TNRC18: variants seen among roughly 807,000 people sequenced by gnomAD.
TNRC18 encodes trinucleotide repeat-containing gene 18 protein.
TNRC18 carries 69 observed loss-of-function variants against 226.7 expected under a neutral mutation model. The observed-to-expected ratio is 0.30, with a 90% confidence interval of 0.25 to 0.37. The LOEUF (loss-of-function observed/expected upper bound fraction) is 0.37, where lower values mean the gene tolerates loss of function less well. TNRC18 is among the 10% of genes least tolerant of loss of function. The pLI, the probability that TNRC18 is intolerant of heterozygous loss-of-function variation, is 1.00. For missense variants in TNRC18, 4,754 were observed against 4,256.6 expected (o/e 1.12, Z -3.25); for synonymous variants, 2,449 against 1,927.6 (o/e 1.27, Z -7.09).
chr7:5,380,211 C>T (rs1375837762), intron 5 of TNRC18, among the ~76,000 whole-genome samples: 1 of 152,080 alleles, frequency 6.6e-6, no homozygotes. Context: ...TCTGGGAGGC[C>T]GAGGTGGGAG....
At chr7:5,410,595 G>A (rs1781775866) in intron 2 of TNRC18, among the ~76,000 whole-genome samples, 2 of 152,130 alleles carry the variant, frequency 1.3e-5, no homozygotes, top group Admixed American at 6.6e-5. Context: ...GCCAGGCGGA[G>A]TGGCTCACGC....
chr7:5,322,699 C>T (rs1203397344), intron 21 of TNRC18, among the ~76,000 whole-genome samples: 1 of 152,242 alleles, frequency 6.6e-6, no homozygotes, highest in Non-Finnish European at 1.5e-5. Flanking sequence ...CTGCTCCCTC[C>T]CTCTCCCTGC....
intron 2 of TNRC18, among the ~76,000 whole-genome samples, chr7:5,412,769 C>T (rs1301615212): frequency 6.6e-6 from 1 of 152,122 alleles, no homozygotes; most frequent in Non-Finnish European, 1.5e-5. Flanking sequence ...CTAGATGGAG[C>T]AGTGTTCTAT....
intron 19 of TNRC18, 100 bp from the exon 20 acceptor site, chr7:5,325,348 C>G (rs1476202379): frequency 7.6e-7 from 1 of 1,322,010 alleles, no homozygotes; most frequent in African/African-American, 1.5e-5. Flanking sequence ...TCTGTGCCAC[C>G]CCAAGTGCGC....
chr7:5,357,347 T>G, intron 15 of TNRC18, 71 bp from the exon 16 acceptor site: 1 of 1,485,182 alleles, frequency 6.7e-7, no homozygotes, highest in Non-Finnish European at 9.0e-7. Flanking sequence ...GTGCACATGC[T>G]CTGCCCAGCC....
chr7:5,400,722 G>A (rs932546985), intron 2 of TNRC18, among the ~76,000 whole-genome samples: 3 of 152,128 alleles, frequency 2.0e-5, no homozygotes, highest in Admixed American at 6.6e-5. Flanking sequence ...TGTATGCCAC[G>A]TGAATTTCAC....
chr7:5,328,992 A>G (rs1446390254), intron 19 of TNRC18, among the ~76,000 whole-genome samples: 6 of 152,138 alleles, frequency 3.9e-5, no homozygotes, highest in African/African-American at 1.4e-4. Flanking sequence ...TGTCTCTTAT[A>G]AATAAATACA....
rs780667194 is a variant in TNRC18, at chr7:5,371,328, G to A, written c.3266C>T (p.Pro1089Leu). Residue 1089 changes from proline to leucine, a missense_variant, in exon 11 of 30, where the codon CCG becomes CTG. Transcript: ENST00000430969. ...GAAAGGGTAGGGCCTCCCGTAGTGC[G>A]GTGGCAGGGCTTGGAACGGGTACCT... is the stretch of plus-strand genomic sequence containing the variant. ...PPRYPFQALP[P>L]HYGRPYPFLL... 64 of 1,530,538 alleles carry A rather than the reference G, an allele frequency of 4.2e-5. No individual in the cohort carries two copies. The highest frequency in any genetic ancestry group is 7.4e-5 in the South Asian group (6 of 80,836). The allele number at this position is 1,530,538 out of a possible 1,614,324, so 94.8% of individuals were successfully genotyped here.
intron 2 of TNRC18, among the ~76,000 whole-genome samples, chr7:5,397,359 C>T (rs889357679): frequency 3.3e-5 from 5 of 152,364 alleles, no homozygotes; most frequent in East Asian, 1.9e-4. Context: ...TGGCCCAGGC[C>T]GGCCCCTGCC....
At chr7:5,355,523 G>T (rs1035868971) in intron 16 of TNRC18, among the ~76,000 whole-genome samples, 5 of 152,152 alleles carry the variant, frequency 3.3e-5, no homozygotes, top group African/African-American at 1.2e-4. Flanking sequence ...AGGCTAAAGT[G>T]GGATGCTTGC....
At position 5,324,817 on chromosome 7, in the gene TNRC18, G is replaced by C. The variant is rs560175134; in HGVS notation, c.6300+279C>G. Reference sequence around the variant, plus strand: ...AGCCTGAGGGCCCTGTGAGGACCTGGTGCTGGGCTGGGGGCCTGTCACCCA... The same window carrying C: ...AGCCTGAGGGCCCTGTGAGGACCTGCTGCTGGGCTGGGGGCCTGTCACCCA... On this transcript the variant is annotated intron_variant, in intron 20 of 29. Coordinates refer to ENST00000430969, the MANE Select transcript of TNRC18 (RefSeq NM_001080495.3). This position sits in a 1 kb window ranked among gnomAD's most constrained non-coding sequence, Gnocchi z 4.8. Among the ~76,000 whole-genome samples, 29 of 152,312 alleles carry C rather than the reference G, an allele frequency of 1.9e-4. No homozygotes were observed. Among genetic ancestry groups the C allele is most frequent in the Non-Finnish European group, 3.8e-4 (26 of 68,018 alleles).
intron 18 of TNRC18, 45 bp downstream of exon 18, chr7:5,345,517 G>GGCCTCCCCC: frequency 5.3e-6 from 2 of 377,744 alleles, no homozygotes; most frequent in South Asian, 4.4e-5. Context: ...AATGGCGTCC[G>GGCCTCCCCC]CCCCTCCCAC....
intron 17 of TNRC18, 30 bp from the exon 18 acceptor site, chr7:5,345,840 G>C (rs1181078232): frequency 5.2e-6 from 8 of 1,529,454 alleles, no homozygotes; most frequent in East Asian, 2.5e-5. Flanking sequence ...GACCGAGTCA[G>C]AGCCTTGGCC....
intron 9 of TNRC18, 63 bp downstream of exon 9, chr7:5,375,971 T>C: frequency 1.4e-6 from 2 of 1,450,356 alleles, no homozygotes; most frequent in Non-Finnish European, 1.9e-6. Flanking sequence ...GCTGGCTGAC[T>C]CGTCTGCCTC....
chr7:5,396,669 C>CCACT (rs1018938848), intron 2 of TNRC18, among the ~76,000 whole-genome samples: 1 of 152,208 alleles, frequency 6.6e-6, no homozygotes, highest in African/African-American at 2.4e-5. Flanking sequence ...CTGGGTGCTA[C>CCACT]CACTGGCCAG....
chr7:5,345,473 C>G (rs1337459335), intron 18 of TNRC18, 89 bp downstream of exon 18: 4 of 1,301,210 alleles, frequency 3.1e-6, no homozygotes, highest in Non-Finnish European at 4.2e-6. Context: ...ACCTGCATCT[C>G]TGAGCCTCAG....
chr7:5,377,567 C>A lies in TNRC18; in HGVS notation c.2265G>T (p.Lys755Asn), dbSNP rs866482535. 6.3e-7 allele frequency: 1 copy of A among 1,579,378 alleles called. No homozygotes were observed. The highest frequency in any genetic ancestry group is 8.6e-7 in the Non-Finnish European group (1 of 1,162,944). ...GCAGGCGGGCCAGGTCAGCCAGCTC[C>A]TTACTCTCTCTGGAAGGAGGATCAT... Reference protein sequence around the residue: ...RDQEKLLRESKELADLARLHP... With the variant: ...RDQEKLLRESNELADLARLHP... The change falls in exon 7 of 30, where the codon AAG becomes AAT. Residue 755 changes from lysine to asparagine, a missense_variant. By Grantham distance (94) the Lys-to-Asn change is moderately conservative (BLOSUM62 0). Coordinates refer to ENST00000430969, the MANE Select transcript of TNRC18 (RefSeq NM_001080495.3). The surrounding 1 kb of genome is among the most constrained non-coding windows in gnomAD (Gnocchi z 5.8).
rs1789654955 is a variant in TNRC18, at chr7:5,332,642, C to A, written c.6127G>T (p.Asp2043Tyr). ...SPRKDAGRAK[D>Y]RKDPRKKKKG... ...CCTACCTTCCTGGGGTCCTTCCTGT[C>A]CTTTGCACGCCCGGCGTCCTTGCGC... Residue 2043 changes from aspartate to tyrosine, a missense_variant, in exon 19 of 30, where the codon GAC becomes TAC. By Grantham distance (160) the Asp-to-Tyr change is radical. Transcript: ENST00000430969. 6.5e-7 allele frequency: 1 copy of A among 1,531,434 alleles called. No homozygotes were observed. The highest frequency in any genetic ancestry group is 1.4e-5 in the African/African-American group (1 of 70,470). The allele number at this position is 1,531,434 out of a possible 1,614,324, so 94.9% of individuals were successfully genotyped here.
intron 26 of TNRC18, among the ~76,000 whole-genome samples, chr7:5,314,108 C>A (rs570862984): frequency 1.1e-4 from 17 of 151,890 alleles, no homozygotes; most frequent in Non-Finnish European, 1.9e-4. Flanking sequence ...CACAAGCATG[C>A]GCCACTATGC....
Sources: allele counts gnomAD v4.1 joint callset (sites outside exome capture counted in the v4.1 genomes callset), GRCh38; gene constraint gnomAD v4.1.1; non-coding constraint Gnocchi (gnomAD v3.1); transcripts MANE v1.5; gene names NCBI Gene and HGNC (gene_info 2026-07-23, HGNC 2026-07-21).